The following DNAJC21 variants were observed in gnomAD, a reference collection of about 807,000 sequenced individuals.
DNAJC21 encodes the protein DnaJ heat shock protein family (Hsp40) member C21, also known as dnaJ homolog subfamily C member 21.
In DNAJC21, 63 loss-of-function variants were observed where a neutral mutation model predicts 72.4. The ratio of observed to expected loss-of-function variants is 0.87; its 90% CI spans 0.71 to 1.07. The LOEUF is 1.07. Ranked by LOEUF, DNAJC21 falls within the 50% of genes least tolerant of loss-of-function variation. The pLI is 0.00. For synonymous variants in DNAJC21, 203 were observed against 216.7 expected (o/e 0.94, Z 0.56); for missense variants, 634 against 644.8 (o/e 0.98, Z 0.18).
Position 34,950,508 on chromosome 5 carries a change from G to A in DNAJC21, c.1358+166G>A. 3 of 1,287,666 alleles carry A rather than the reference G, an allele frequency of 2.3e-6. No homozygotes were observed. The African/African-American group carries it at 4.5e-5, about 19-fold the overall frequency. 79.8% of individuals were successfully genotyped at this position (1,287,666 alleles called of 1,614,324 possible). A position where few individuals can be genotyped will look rare whatever the true frequency, so the allele number is the denominator to read the frequency against. On this transcript the variant is annotated intron_variant, in intron 10 of 11. Coordinates refer to ENST00000648817, the MANE Select transcript of DNAJC21 (RefSeq NM_001012339.3). The stretch of plus-strand genomic sequence containing the variant: ...ACACACACATATGTATACAGATGAA[G>A]AGCGTTGAGAAGAGGATGCTAGAGG...
In DNAJC21 at chr5:34,944,278, T is replaced by C. The variant is rs564741723; in HGVS notation, c.984-589T>C. On this transcript the variant is annotated intron_variant, in intron 7 of 11. Transcript: ENST00000648817. ...AGAAAGGAGACCTCTCCTGAGAAGG[T>C]GAAAAGCAGCTGTTGAAAAAGCAAG... Among the ~76,000 whole-genome samples, 4 of 152,200 alleles carry C rather than the reference T, an allele frequency of 2.6e-5. No individual in the cohort carries two copies. In the South Asian group the frequency reaches 8.3e-4, roughly 32 times the overall value.
At chr5:34,941,046 A>G (rs1353337758) in intron 6 of DNAJC21, 50 bp from the exon 7 acceptor site, 1 of 1,378,610 alleles carries the variant, frequency 7.3e-7, no homozygotes, top group Non-Finnish European at 1.0e-6. Flanking sequence ...CATATTTTAG[A>G]TTTGTGCTCT....
In DNAJC21 at chr5:34,957,022, T is replaced by A. The variant is rs1258492793; in HGVS notation, c.*2308T>A. On this transcript the variant is annotated 3_prime_UTR_variant, in exon 12 of 12. Transcript: ENST00000648817. Reference sequence around the variant, plus strand: ...AATAAGGTAAATCTTTTTTAGTTTATATATTTGCAGACTATACATGTTGGA... The same window carrying A: ...AATAAGGTAAATCTTTTTTAGTTTAAATATTTGCAGACTATACATGTTGGA... 1 of 152,208 alleles carries A rather than the reference T, an allele frequency of 6.6e-6. No individual in the cohort carries two copies. Among genetic ancestry groups the A allele is most frequent in the African/African-American group, 2.4e-5 (1 of 41,450 alleles). 9.4% of individuals were successfully genotyped at this position (152,208 alleles called of 1,614,324 possible). A position where few individuals can be genotyped will look rare whatever the true frequency, so the allele number is the denominator to read the frequency against.
At chr5:34,948,210 G>A (rs1765236342) in intron 9 of DNAJC21, among the ~76,000 whole-genome samples, 1 of 152,202 alleles carries the variant, frequency 6.6e-6, no homozygotes, top group South Asian at 2.1e-4. Flanking sequence ...GAAAGTAAGT[G>A]TGTGAGCAGT....
chr5:34,937,119 A>G (rs1764805952), intron 4 of DNAJC21, among the ~76,000 whole-genome samples: 1 of 152,216 alleles, frequency 6.6e-6, no homozygotes, highest in African/African-American at 2.4e-5. Context: ...AGTGATTAGT[A>G]AGGCTATTTT....
At chr5:34,945,689 C>G in intron 8 of DNAJC21, 72 bp from the exon 9 acceptor site, 1 of 1,355,766 alleles carries the variant, frequency 7.4e-7, no homozygotes, top group East Asian at 2.5e-5. Flanking sequence ...ACTAGTGTTT[C>G]AACTTTTTTT....
At chr5:34,952,314 CT>C in intron 10 of DNAJC21, 1 of 907,704 alleles carries the variant, frequency 1.1e-6, no homozygotes, top group Non-Finnish European at 1.3e-6. Flanking sequence ...TATTTGTTGC[CT>C]TTTATGCCAT....
At chr5:34,952,162 A>T (rs951444267) in intron 10 of DNAJC21, 126 of 982,892 alleles carry the variant, frequency 1.3e-4, no homozygotes, top group Non-Finnish European at 1.5e-4. Context: ...TAGTATTTTT[A>T]AAAAATAAAG....
chr5:34,954,043 T>A, intron 11 of DNAJC21, 42 bp downstream of exon 11: 1 of 1,543,996 alleles, frequency 6.5e-7, no homozygotes, highest in Non-Finnish European at 8.8e-7. Flanking sequence ...CATATCTTGC[T>A]GTTTAAGCAG....
intron 1 of DNAJC21, among the ~76,000 whole-genome samples, 153 bp from the exon 2 acceptor site, chr5:34,933,662 T>G (rs1419468036): frequency 3.3e-5 from 5 of 152,128 alleles, no homozygotes; most frequent in African/African-American, 1.2e-4. Flanking sequence ...AAATCCTGAT[T>G]ATTGACTGTT....
At chr5:34,932,382 C>T (rs1387850801) in intron 1 of DNAJC21, among the ~76,000 whole-genome samples, 1 of 148,240 alleles carries the variant, frequency 6.7e-6, no homozygotes, top group Non-Finnish European at 1.5e-5. Context: ...GATCGCGCCA[C>T]TGCACTCCAG....
chr5:34,942,425 A>G (rs1007511965), intron 7 of DNAJC21, among the ~76,000 whole-genome samples: 1 of 152,182 alleles, frequency 6.6e-6, no homozygotes, highest in Non-Finnish European at 1.5e-5. Flanking sequence ...CCAAAGGATG[A>G]GAATGGCGCT....
chr5:34,939,944 G>C (rs1198604089), intron 6 of DNAJC21, among the ~76,000 whole-genome samples: 1 of 152,122 alleles, frequency 6.6e-6, no homozygotes, highest in Non-Finnish European at 1.5e-5. Flanking sequence ...GAAGTGAAGC[G>C]TTTTATTAAT....
chr5:34,958,367 AC>A lies in DNAJC21; in HGVS notation c.*3654del, dbSNP rs1253209358. On this transcript the variant is annotated 3_prime_UTR_variant, in exon 12 of 12. Coordinates refer to ENST00000648817, the MANE Select transcript of DNAJC21 (RefSeq NM_001012339.3). ...TATGGGAACTTGATTTTTGACAGAT[AC>A]GGCAAGCTCTATGGGGAAAACAATA... The A allele has an allele frequency of 2.6e-5, 4 of 152,228 alleles. No homozygotes were observed. The highest frequency in any genetic ancestry group is 5.9e-5 in the Non-Finnish European group (4 of 68,042). 9.4% of individuals were successfully genotyped at this position (152,228 alleles called of 1,614,324 possible).
rs144600070 is a variant in DNAJC21 at position 34,944,907 on chromosome 5, G to C, written c.1024G>C (p.Val342Leu). The change falls in exon 8 of 12, where the codon GTG becomes CTG. Residue 342 changes from valine (V) to leucine (L), a missense_variant. Physicochemically the swap from Val to Leu is conservative, Grantham distance 32. Coordinates refer to ENST00000648817, the MANE Select transcript of DNAJC21 (RefSeq NM_001012339.3). Reference protein sequence around the residue: ...HEKSKKHREMVALLKQQLEEE... With the variant: ...HEKSKKHREMLALLKQQLEEE... ...GAAGTCAAAGAAGCATCGGGAAATG[G>C]TGGCCTTGCTAAAACAACAGCTGGA... is the stretch of plus-strand genomic sequence containing the variant. The C allele has an allele frequency of 1.1e-5, 18 of 1,614,008 alleles. No homozygotes were observed. The highest frequency in any genetic ancestry group is 1.4e-5 in the Non-Finnish European group (17 of 1,180,028).
chr5:34,939,525 A>G (rs6859898), intron 6 of DNAJC21, among the ~76,000 whole-genome samples: 68,750 of 151,760 alleles, frequency 0.45, 15,975 homozygotes, highest in Non-Finnish European at 0.48. Context: ...TCGACCTCCC[A>G]AAGTGCTGGG....
chr5:34,949,563 A>C (rs1316480318), intron 9 of DNAJC21: 3 of 1,560,286 alleles, frequency 1.9e-6, no homozygotes, highest in Non-Finnish European at 2.6e-6. Flanking sequence ...GCAAAGATTC[A>C]TATCTGCCTG....
At chr5:34,949,665 T>G in intron 9 of DNAJC21, 1 of 1,613,846 alleles carries the variant, frequency 6.2e-7, no homozygotes, top group Non-Finnish European at 8.5e-7. Context: ...AAATGTTGCT[T>G]GAAAACAGAC....
chr5:34,945,768 A>G lies in DNAJC21; in HGVS notation c.1150A>G (p.Lys384Glu), dbSNP rs764463212. 4.4e-6 allele frequency: 7 copies of G among 1,597,174 alleles called. No homozygotes were observed. The South Asian group carries it at 4.6e-5, about 10-fold the overall frequency. ...MEDAPKQKLS[K>E]KQKKKKQKPA... ...ATTTATATTTGCTCTTAGGCTTTCT[A>G]AAAAACAGAAGAAAAAGAAACAGAA... is the stretch of plus-strand genomic sequence containing the variant. Residue 384 changes from lysine to glutamate, a missense_variant, in exon 9 of 12, where the codon AAA becomes GAA. Coordinates refer to ENST00000648817, the MANE Select transcript of DNAJC21 (RefSeq NM_001012339.3).
Sources: allele counts gnomAD v4.1 joint callset (sites outside exome capture counted in the v4.1 genomes callset), GRCh38; gene constraint gnomAD v4.1.1; transcripts MANE v1.5; gene names NCBI Gene and HGNC (gene_info 2026-07-23, HGNC 2026-07-21).